TOGARAM2: variants seen among roughly 807,000 people sequenced by gnomAD.
TOGARAM2 encodes the protein TOG array regulator of axonemal microtubules protein 2.
Under a neutral mutation model 93.3 loss-of-function variants are expected in TOGARAM2, and 85 were observed. The ratio of observed to expected loss-of-function variants is 0.91; its 90% CI spans 0.76 to 1.09. The LOEUF (loss-of-function observed/expected upper bound fraction) is 1.09, where lower values mean the gene tolerates loss of function less well. Ranked by LOEUF, TOGARAM2 falls within the 50% of genes least tolerant of loss-of-function variation. The pLI, the probability that TOGARAM2 is intolerant of heterozygous loss-of-function variation, is 0.00. For synonymous variants in TOGARAM2, 593 were observed against 552.8 expected, an observed-to-expected ratio of 1.07 and a Z score of -1.02; for missense variants, 1,277 against 1,334.5, an observed-to-expected ratio of 0.96 and a Z score of 0.67.
intron 10 of TOGARAM2, 64 bp from the exon 11 acceptor site, chr2:29,022,094 C>A: frequency 6.2e-7 from 1 of 1,602,300 alleles, no homozygotes; most frequent in South Asian, 1.1e-5. Context: ...GTGGCAGGAG[C>A]GGCCACTCGG....
intron 1 of TOGARAM2, among the ~76,000 whole-genome samples, chr2:28,990,193 T>C (rs1672654656): frequency 6.6e-6 from 1 of 152,304 alleles, no homozygotes; most frequent in Non-Finnish European, 1.5e-5. Context: ...GTCTAAACCC[T>C]GCGTATAATC....
At chr2:29,013,856 C>T (rs759445083) in intron 7 of TOGARAM2, among the ~76,000 whole-genome samples, 2 of 152,220 alleles carry the variant, frequency 1.3e-5, no homozygotes, top group Non-Finnish European at 2.9e-5. Context: ...GCTATGTAAG[C>T]ATCCAATCCA....
At chr2:28,992,866 C>T (rs1386375272) in intron 1 of TOGARAM2, among the ~76,000 whole-genome samples, 2 of 152,178 alleles carry the variant, frequency 1.3e-5, no homozygotes, top group East Asian at 3.9e-4. Flanking sequence ...TTGAGACCAG[C>T]CTCGCCAACA....
intron 18 of TOGARAM2, among the ~76,000 whole-genome samples, chr2:29,044,999 T>C (rs1402626294): frequency 6.6e-6 from 1 of 152,190 alleles, no homozygotes; most frequent in Non-Finnish European, 1.5e-5. Context: ...TTCTGTCATC[T>C]ATCTACCTAC....
intron 18 of TOGARAM2, among the ~76,000 whole-genome samples, chr2:29,040,797 C>T (rs1190027683): frequency 6.6e-6 from 1 of 152,182 alleles, no homozygotes; most frequent in Non-Finnish European, 1.5e-5. Flanking sequence ...CCCATTCAGC[C>T]TGCTGCCACT....
chr2:29,015,148 TC>T (rs1664482872), intron 8 of TOGARAM2, among the ~76,000 whole-genome samples: 1 of 152,128 alleles, frequency 6.6e-6, no homozygotes, highest in African/African-American at 2.4e-5. Context: ...AAGAAGCATA[TC>T]TTGAAGGCCT....
At chr2:28,960,297 A>G (rs1671785097) in intron 1 of TOGARAM2, among the ~76,000 whole-genome samples, 1 of 152,212 alleles carries the variant, frequency 6.6e-6, no homozygotes, top group Non-Finnish European at 1.5e-5. Context: ...TGCAATAACT[A>G]CAATACCATT....
chr2:28,999,087 C>T (rs1673142257), intron 3 of TOGARAM2, 94 bp from the exon 4 acceptor site: 1 of 1,338,904 alleles, frequency 7.5e-7, no homozygotes, highest in African/African-American at 1.5e-5. Context: ...CAAGTGGCTG[C>T]CTGTTAGAAG....
chr2:29,001,537 G>C (rs1195457705), intron 4 of TOGARAM2, among the ~76,000 whole-genome samples: 1 of 149,934 alleles, frequency 6.7e-6, no homozygotes, highest in African/African-American at 2.5e-5. Context: ...GTCTTGCTCT[G>C]TTGCCCAGTC....
chr2:28,999,191 G>A lies in TOGARAM2; in HGVS notation c.150G>A (p.Gln50=). 6.2e-7 allele frequency: 1 copy of A among 1,612,590 alleles called. No individual in the cohort carries two copies. The change falls in exon 4 of 20, where the codon CAG becomes CAA. Residue 50 remains glutamine (Q), a synonymous_variant. Transcript: ENST00000379558. ...SSLPHGEGSL[Q]PEPRALLNNE... ...CTCTGTCCCCCTCAGGTTCTCTCCAGCCTGAGCCAAGAGCCCTGCTGAACA... is the reference window on the plus strand; with the variant it reads ...CTCTGTCCCCCTCAGGTTCTCTCCAACCTGAGCCAAGAGCCCTGCTGAACA...
intron 1 of TOGARAM2, among the ~76,000 whole-genome samples, chr2:28,957,981 C>T (rs1307064284): frequency 2.6e-5 from 4 of 152,076 alleles, no homozygotes. Context: ...TAGAATGAGT[C>T]ATTAACTTTC....
intron 5 of TOGARAM2, among the ~76,000 whole-genome samples, chr2:29,003,022 C>T (rs868404788): frequency 1.4e-4 from 21 of 152,334 alleles, no homozygotes; most frequent in Middle Eastern, 3.4e-3. Flanking sequence ...CTGGTGGTCC[C>T]CTAGGCCTTC....
intron 6 of TOGARAM2, among the ~76,000 whole-genome samples, chr2:29,004,939 T>TGTGA (rs147603031): frequency 9.4e-6 from 1 of 106,752 alleles, no homozygotes; most frequent in Non-Finnish European, 2.0e-5. Context: ...AGTGCATGTG[T>TGTGA]GTGCATGTGT....
At chr2:28,982,033 C>T (rs182177432) in intron 1 of TOGARAM2, among the ~76,000 whole-genome samples, 3 of 152,240 alleles carry the variant, frequency 2.0e-5, no homozygotes, top group South Asian at 2.1e-4. Flanking sequence ...TCTAACCCCC[C>T]CTCTTTCTGG....
intron 6 of TOGARAM2, among the ~76,000 whole-genome samples, chr2:29,006,502 T>C (rs1663880967): frequency 6.6e-6 from 1 of 152,222 alleles, no homozygotes; most frequent in East Asian, 1.9e-4. Context: ...GGAGTGTGTG[T>C]GCGTGTGCTC....
In TOGARAM2 at chr2:29,035,670, G is replaced by GC. The variant is rs1289957473; in HGVS notation, c.2418+15dup. On this transcript the variant is annotated intron_variant, in intron 17 of 19. Transcript: ENST00000379558. ...CACCTGGTCCAGGTGAGCACCGCTT[G>GC]CTTTTACTCTCCCACCTGTCTCTCC... 2 of 1,391,666 alleles carry GC rather than the reference G, an allele frequency of 1.4e-6. No homozygotes were observed. The highest frequency in any genetic ancestry group is 1.5e-5 in the African/African-American group (1 of 68,938). The allele number at this position is 1,391,666 out of a possible 1,614,324, so 86.2% of individuals were successfully genotyped here. A position where few individuals can be genotyped will look rare whatever the true frequency, so the allele number is the denominator to read the frequency against.
intron 1 of TOGARAM2, among the ~76,000 whole-genome samples, chr2:28,960,100 GTATATGTGGTCCAACATT>G (rs1671782464): frequency 6.6e-6 from 1 of 152,182 alleles, no homozygotes; most frequent in African/African-American, 2.4e-5. Flanking sequence ...GACCACCGTT[GTATATGTGGTCCAACATT>G]GACCAAAATG....
Position 29,052,000 on chromosome 2 carries a change from A to G in TOGARAM2, c.2967A>G (p.Ser989=), listed in dbSNP as rs750728739. 2.5e-6 allele frequency: 4 copies of G among 1,613,334 alleles called. No individual in the cohort carries two copies. Among genetic ancestry groups the G allele is most frequent in the Non-Finnish European group, 1.7e-6 (2 of 1,179,744 alleles). Residue 989 remains serine, a synonymous_variant, in exon 20 of 20, where the codon TCA becomes TCG. Coordinates refer to ENST00000379558, the MANE Select transcript of TOGARAM2 (RefSeq NM_199280.4). Reference sequence around the variant, plus strand: ...AGACGCTCCAGGAACTCTTAGACTCAGAGTCCTTGGGAGGCAGCCGCAAGG... The same window carrying G: ...AGACGCTCCAGGAACTCTTAGACTCGGAGTCCTTGGGAGGCAGCCGCAAGG... The part of the protein sequence containing the change: ...VLKTLQELLD[S]ESLGGSRKAT...
At chr2:28,991,892 G>A (rs1019057032) in intron 1 of TOGARAM2, among the ~76,000 whole-genome samples, 37 of 152,238 alleles carry the variant, frequency 2.4e-4, no homozygotes, top group African/African-American at 8.9e-4. Flanking sequence ...CTTACCCCGG[G>A]TCGCCCCATT....
Sources: allele counts gnomAD v4.1 joint callset (sites outside exome capture counted in the v4.1 genomes callset), GRCh38; gene constraint gnomAD v4.1.1; transcripts MANE v1.5; gene names NCBI Gene and HGNC (gene_info 2026-07-23, HGNC 2026-07-21).